SH3D19: variants seen among roughly 807,000 people sequenced by gnomAD.
SH3D19 encodes SH3 domain-containing protein 19.
Under a neutral mutation model 112.1 loss-of-function variants are expected in SH3D19, and 58 were observed. That is an observed-to-expected ratio of 0.52 (90% CI 0.42 to 0.64). The LOEUF is 0.64. Among genes scored for constraint, SH3D19 ranks in the 30% least tolerant of loss-of-function variants. The pLI is 0.00. For missense variants in SH3D19, 1,090 were observed against 1,263.4 expected, an observed-to-expected ratio of 0.86 and a Z score of 2.08; for synonymous variants, 391 against 448.5, an observed-to-expected ratio of 0.87 and a Z score of 1.62.
intron 1 of SH3D19, among the ~76,000 whole-genome samples, chr4:151,274,694 T>A (rs1033147030): frequency 2.0e-5 from 3 of 152,210 alleles, no homozygotes; most frequent in Admixed American, 6.5e-5. Flanking sequence ...GCTCCAGGTG[T>A]CCCTGTTATC....
intron 17 of SH3D19, among the ~76,000 whole-genome samples, chr4:151,129,343 G>A (rs1261082229): frequency 6.6e-6 from 1 of 152,158 alleles, no homozygotes; most frequent in Non-Finnish European, 1.5e-5. Flanking sequence ...ATGTTCAAGA[G>A]GCTCAAGAAG....
At chr4:151,196,016 G>C (rs1016448772) in intron 2 of SH3D19, among the ~76,000 whole-genome samples, 1 of 151,986 alleles carries the variant, frequency 6.6e-6, no homozygotes, top group African/African-American at 2.4e-5. Flanking sequence ...CATCCCTTCG[G>C]ACACTTCCTT....
intron 1 of SH3D19, among the ~76,000 whole-genome samples, chr4:151,245,532 C>T (rs1045544005): frequency 6.6e-6 from 1 of 152,188 alleles, no homozygotes; most frequent in Non-Finnish European, 1.5e-5. Context: ...TCCTGGTTTA[C>T]TGTAGCTGAA....
chr4:151,189,360 G>A lies in SH3D19; in HGVS notation c.153-1897C>T, dbSNP rs371375302. 2.4e-3 allele frequency among the ~76,000 whole-genome samples: 361 copies of A among 152,140 alleles called. 1 individual carries two copies. The highest frequency in any genetic ancestry group is 8.4e-3 in the African/African-American group (350 of 41,518). ...GATCTCCTGACCTTGTGATCTGCCC[G>A]CCTCGGCCTCCCAAAGTGCTGGGAT... On this transcript the variant is annotated intron_variant, in intron 2 of 19. Coordinates refer to ENST00000604030, the MANE Select transcript of SH3D19 (RefSeq NM_001378122.1).
chr4:151,133,048 C>T lies in SH3D19; in HGVS notation c.2675G>A (p.Gly892Asp), dbSNP rs1751061325. ...TCTATACTCACTTAAAACATTTGCA[C>T]CAGAGGTGGGATAATCCTCAACAGG... Reference protein sequence around the residue: ...VEPVEDYPTSGANVLSTKVPL... With the variant: ...VEPVEDYPTSDANVLSTKVPL... Residue 892 changes from glycine to aspartate, a missense_variant, in exon 16 of 20, where the codon GGT (glycine) becomes GAT (aspartate). Coordinates refer to ENST00000604030, the MANE Select transcript of SH3D19 (RefSeq NM_001378122.1). The T allele has an allele frequency of 6.2e-7, 1 of 1,613,898 alleles. No individual in the cohort carries two copies. Among genetic ancestry groups the T allele is most frequent in the Non-Finnish European group, 8.5e-7 (1 of 1,179,884 alleles).
At chr4:151,227,874 G>A in intron 1 of SH3D19, 1 of 985,384 alleles carries the variant, frequency 1.0e-6, no homozygotes, top group Non-Finnish European at 1.2e-6. Context: ...AATCTTCCTA[G>A]TGGTACAACA....
intron 9 of SH3D19, among the ~76,000 whole-genome samples, chr4:151,150,902 G>T (rs1218040027): frequency 6.6e-6 from 1 of 151,564 alleles, no homozygotes; most frequent in African/African-American, 2.4e-5. Flanking sequence ...GGAAGCCAAA[G>T]GATCTCAAAG....
intron 1 of SH3D19, among the ~76,000 whole-genome samples, chr4:151,303,408 A>G (rs1728642087): frequency 6.6e-6 from 1 of 152,240 alleles, no homozygotes; most frequent in South Asian, 2.1e-4. Context: ...TTTTAGGGAA[A>G]AATAGGTTTT....
intron 2 of SH3D19, among the ~76,000 whole-genome samples, chr4:151,214,795 C>G (rs76250235): frequency 0.089 from 1,122 of 12,564 alleles, 81 homozygotes; most frequent in Non-Finnish European, 0.32. Context: ...GGACGGAGCG[C>G]CTGGCCTGGC....
In SH3D19 at chr4:151,187,436, C is replaced by T. The variant is rs1561305833; in HGVS notation, c.180G>A (p.Ala60=). 13 of 1,228,440 alleles carry T rather than the reference C, an allele frequency of 1.1e-5. No individual in the cohort carries two copies. Among genetic ancestry groups the T allele is most frequent in the South Asian group, 8.3e-5 (2 of 24,234 alleles). 76.1% of individuals were successfully genotyped at this position (1,228,440 alleles called of 1,614,324 possible). A position where few individuals can be genotyped will look rare whatever the true frequency, so the allele number is the denominator to read the frequency against. Reference sequence around the variant, plus strand: ...AAACAAACTTACATCTCTTGATTACCGCTCTAATGGATGACAAGGGTCCTT... The same window carrying T: ...AAACAAACTTACATCTCTTGATTACTGCTCTAATGGATGACAAGGGTCCTT... ...SSQGPLSSIR[A]VIKRSSRTSI... is the part of the protein sequence containing the mutation. Residue 60 remains alanine, a synonymous_variant, in exon 3 of 20, where the codon GCG becomes GCA. Coordinates refer to ENST00000604030, the MANE Select transcript of SH3D19 (RefSeq NM_001378122.1).
At chr4:151,255,677 G>A (rs1276217688) in intron 1 of SH3D19, among the ~76,000 whole-genome samples, 1 of 152,192 alleles carries the variant, frequency 6.6e-6, no homozygotes, top group East Asian at 1.9e-4. Flanking sequence ...AAGGCAGGCG[G>A]CTGGGAGGTG....
chr4:151,145,780 G>C (rs542156199), intron 11 of SH3D19, among the ~76,000 whole-genome samples: 1 of 152,218 alleles, frequency 6.6e-6, no homozygotes, highest in Non-Finnish European at 1.5e-5. Context: ...GTCAGAGCCA[G>C]CTGACCTGTT....
chr4:151,270,815 A>G (rs1193409516), intron 1 of SH3D19, among the ~76,000 whole-genome samples: 1 of 152,238 alleles, frequency 6.6e-6, no homozygotes, highest in Non-Finnish European at 1.5e-5. Context: ...TTTGTGAAAC[A>G]AAAGCTTCAC....
At chr4:151,206,450 A>G (rs548305995) in intron 2 of SH3D19, among the ~76,000 whole-genome samples, 3 of 152,306 alleles carry the variant, frequency 2.0e-5, no homozygotes, top group East Asian at 1.9e-4. Context: ...TTCATACAAC[A>G]TATTATATGG....
At chr4:151,183,852 T>G (rs556559879) in intron 3 of SH3D19, among the ~76,000 whole-genome samples, 1 of 152,306 alleles carries the variant, frequency 6.6e-6, no homozygotes, top group South Asian at 2.1e-4. Flanking sequence ...TCAATGGCCT[T>G]GAAGTCAGGA....
At chr4:151,227,877 G>T in intron 1 of SH3D19, 4 of 985,360 alleles carry the variant, frequency 4.1e-6, no homozygotes, top group Non-Finnish European at 4.8e-6. Context: ...CTTCCTAGTG[G>T]TACAACACAC....
chr4:151,317,635 A>G (rs1313004914), intron 1 of SH3D19, among the ~76,000 whole-genome samples: 1 of 152,236 alleles, frequency 6.6e-6, no homozygotes, highest in African/African-American at 2.4e-5. Flanking sequence ...CTTTGAACAT[A>G]ATTGCTTATG....
intron 7 of SH3D19, among the ~76,000 whole-genome samples, chr4:151,171,637 A>C (rs867699394): frequency 6.6e-6 from 1 of 152,246 alleles, no homozygotes; most frequent in Middle Eastern, 3.4e-3. Flanking sequence ...ACTGATGATG[A>C]AGTAGTTTTC....
intron 7 of SH3D19, chr4:151,166,258 T>C (rs981623545): frequency 1.3e-5 from 2 of 152,220 alleles, no homozygotes; most frequent in Non-Finnish European, 2.9e-5. Context: ...ATAAGACATA[T>C]CCCTTCAAAT....
Sources: allele counts gnomAD v4.1 joint callset (sites outside exome capture counted in the v4.1 genomes callset), GRCh38; gene constraint gnomAD v4.1.1; transcripts MANE v1.5; gene names NCBI Gene and HGNC (gene_info 2026-07-23, HGNC 2026-07-21).